The following TNNI3K variants were observed in gnomAD, a reference collection of about 807,000 sequenced individuals.
The protein encoded by TNNI3K is TNNI3 interacting kinase.
Under a neutral mutation model 114.5 loss-of-function variants are expected in TNNI3K, and 140 were observed. That is an observed-to-expected ratio of 1.22 (90% confidence interval 1.07 to 1.41). TNNI3K has a LOEUF of 1.41. Ranked by LOEUF, TNNI3K falls within the 40% of genes most tolerant of loss-of-function variation. The probability of loss-of-function intolerance (pLI) is 0.00; values close to 1 mark genes in which losing one functional copy is unlikely to be tolerated. For synonymous variants in TNNI3K, 347 were observed against 347.5 expected (o/e 1.00, Z 0.02); for missense variants, 1,125 against 1,007.6 (o/e 1.12, Z -1.58).
chr1:74,524,872 G>A (rs2100423221), intron 23 of TNNI3K, among the ~76,000 whole-genome samples: 1 of 152,272 alleles, frequency 6.6e-6, no homozygotes, highest in Admixed American at 6.5e-5. Flanking sequence ...GCAGGGGTTT[G>A]GGCAGAGAGG....
At chr1:74,258,840 T>C (rs1655492422) in intron 4 of TNNI3K, among the ~76,000 whole-genome samples, 1 of 152,240 alleles carries the variant, frequency 6.6e-6, no homozygotes, top group African/African-American at 2.4e-5. Flanking sequence ...ACGTTTAAAA[T>C]GAATATTTCC....
chr1:74,341,731 CCAAATGTGGTCCTGTGAAGATGCA>C (rs1446329272), intron 7 of TNNI3K: 1 of 151,966 alleles, frequency 6.6e-6, no homozygotes, highest in Admixed American at 6.6e-5. Context: ...AGAATCATGC[CCAAATGTGGTCCTGTGAAGATGCA>C]CTGCCACCCT....
intron 4 of TNNI3K, among the ~76,000 whole-genome samples, chr1:74,251,107 C>T (rs1654901065): frequency 1.3e-5 from 2 of 152,298 alleles, no homozygotes; most frequent in East Asian, 1.9e-4. Flanking sequence ...CTCATCAGAA[C>T]ACCATGATGC....
chr1:74,492,372 A>G (rs980140673), intron 23 of TNNI3K, 106 bp downstream of exon 23: 1 of 1,306,198 alleles, frequency 7.7e-7, no homozygotes, highest in East Asian at 2.7e-5. Flanking sequence ...TACCCCCTGA[A>G]AAACTTTGAA....
chr1:74,332,468 T>G (rs1315184223), intron 6 of TNNI3K, among the ~76,000 whole-genome samples: 1 of 151,946 alleles, frequency 6.6e-6, no homozygotes, highest in Non-Finnish European at 1.5e-5. Context: ...GCCTGACTAA[T>G]TTTTTGTATA....
chr1:74,381,724 A>G (rs1434879745), intron 17 of TNNI3K, among the ~76,000 whole-genome samples: 1 of 152,198 alleles, frequency 6.6e-6, no homozygotes, highest in African/African-American at 2.4e-5. Context: ...AGACAGAAGC[A>G]GATCTGGAAT....
Position 74,437,139 on chromosome 1 carries a change from T to A in TNNI3K, c.1878+613T>A, listed in dbSNP as rs577503841. ...TACCTAAGGCTGGAGTAATTTTTCA[T>A]TCTTTCCCTTTCCTGCTTCTACTTA... is the stretch of plus-strand genomic sequence containing the variant. On this transcript the variant is annotated intron_variant, in intron 19 of 24. Coordinates refer to ENST00000326637, the MANE Select transcript of TNNI3K (RefSeq NM_015978.3). Among the ~76,000 whole-genome samples, 4 of 152,210 alleles carry A rather than the reference T, an allele frequency of 2.6e-5. No homozygotes were observed. In the East Asian group the frequency reaches 7.8e-4, roughly 30 times the overall value.
chr1:74,296,933 T>C (rs932392495), intron 5 of TNNI3K, among the ~76,000 whole-genome samples: 1 of 152,188 alleles, frequency 6.6e-6, no homozygotes, highest in Non-Finnish European at 1.5e-5. Flanking sequence ...TTCAGATTTG[T>C]AGTATTAATT....
intron 9 of TNNI3K, 113 bp from the exon 10 acceptor site, chr1:74,353,153 G>C (rs917209769): frequency 4.7e-5 from 51 of 1,088,372 alleles, no homozygotes; most frequent in Non-Finnish European, 6.2e-5. Flanking sequence ...TCATTGTCAG[G>C]TTATGGGGGT....
chr1:74,506,860 T>C (rs924469474), intron 23 of TNNI3K, among the ~76,000 whole-genome samples: 1 of 152,174 alleles, frequency 6.6e-6, no homozygotes, highest in African/African-American at 2.4e-5. Context: ...TTCTTACACT[T>C]GATGGAAAGA....
chr1:74,399,801 A>G (rs545266275), intron 17 of TNNI3K, among the ~76,000 whole-genome samples: 54 of 152,332 alleles, frequency 3.5e-4, no homozygotes, highest in African/African-American at 1.3e-3. Flanking sequence ...CAATTATTGG[A>G]TGGAGCACAA....
In TNNI3K at chr1:74,496,432, C is replaced by T. The variant is rs902410728; in HGVS notation, c.2351+4166C>T. Among the ~76,000 whole-genome samples, 3 of 152,062 alleles carry T rather than the reference C, an allele frequency of 2.0e-5. No homozygotes were observed. The East Asian group carries it at 5.8e-4, about 29-fold the overall frequency. ...GTATAGCATTATGATTTTGAAAAAT[C>T]AGTACAAGGTTTTTCCTATAGTCCC... On this transcript the variant is annotated intron_variant, in intron 23 of 24. Coordinates refer to ENST00000326637, the MANE Select transcript of TNNI3K (RefSeq NM_015978.3).
chr1:74,526,894 A>G (rs1646510785), intron 23 of TNNI3K, among the ~76,000 whole-genome samples: 1 of 152,236 alleles, frequency 6.6e-6, no homozygotes, highest in Non-Finnish European at 1.5e-5. Flanking sequence ...TTATTGGAAT[A>G]CAGCCACACT....
rs951624025 is a variant in TNNI3K, at chr1:74,418,395, G to C, written c.1773-17685G>C. The C allele has an allele frequency of 1.8e-5, 3 of 165,638 alleles. No individual in the cohort carries two copies. The South Asian group carries it at 4.0e-4, about 22-fold the overall frequency. The allele number at this position is 165,638 out of a possible 1,614,324, so 10.3% of individuals were successfully genotyped here. On this transcript the variant is annotated intron_variant, in intron 17 of 24. Coordinates refer to ENST00000326637, the MANE Select transcript of TNNI3K (RefSeq NM_015978.3). Reference sequence around the variant, plus strand: ...TTGGTGTCTTCAATTTATTTAGACAGCTCATTCTAATGCTTTTTTTTCTTT... The same window carrying C: ...TTGGTGTCTTCAATTTATTTAGACACCTCATTCTAATGCTTTTTTTTCTTT...
At chr1:74,273,138 C>T (rs509953) in intron 5 of TNNI3K, among the ~76,000 whole-genome samples, 151,636 of 152,036 alleles carry the variant, frequency 1, 75,620 homozygotes, top group Non-Finnish European at 1. Flanking sequence ...GATCCATCTC[C>T]CTTAACAGTG....
intron 23 of TNNI3K, among the ~76,000 whole-genome samples, chr1:74,503,390 T>C (rs565055249): frequency 2.0e-5 from 3 of 152,236 alleles, no homozygotes; most frequent in Non-Finnish European, 2.9e-5. Context: ...ATGATATCTA[T>C]AGAATTTACA....
At chr1:74,401,746 C>T (rs912897686) in intron 17 of TNNI3K, 38 of 421,224 alleles carry the variant, frequency 9.0e-5, no homozygotes, top group South Asian at 4.4e-4. Flanking sequence ...TCAGATTCGT[C>T]TTTGCCATGT....
intron 23 of TNNI3K, among the ~76,000 whole-genome samples, chr1:74,510,917 C>A (rs1346266639): frequency 6.6e-6 from 1 of 152,218 alleles, no homozygotes; most frequent in Non-Finnish European, 1.5e-5. Context: ...GACGAAGTCT[C>A]ACTCTTGTCC....
chr1:74,418,621 G>A (rs962755336), intron 17 of TNNI3K, among the ~76,000 whole-genome samples: 6 of 151,748 alleles, frequency 4.0e-5, no homozygotes, highest in African/African-American at 7.3e-5. Context: ...AAAAATTTAC[G>A]GAAAATGGTT....
Sources: allele counts gnomAD v4.1 joint callset (sites outside exome capture counted in the v4.1 genomes callset), GRCh38; gene constraint gnomAD v4.1.1; transcripts MANE v1.5; gene names NCBI Gene and HGNC (gene_info 2026-07-23, HGNC 2026-07-21).